Variants in BNC2 observed in about 807,000 individuals in gnomAD.
The protein encoded by BNC2 is basonuclin zinc finger protein 2, also known as zinc finger protein basonuclin-2.
A neutral mutation model predicts 76.3 loss-of-function variants in BNC2; 20 were observed. The ratio of observed to expected loss-of-function variants is 0.26; its 90% CI spans 0.18 to 0.38. The LOEUF (loss-of-function observed/expected upper bound fraction) is 0.38. Among genes scored for constraint, BNC2 ranks in the 10% least tolerant of loss-of-function variants. BNC2 has a pLI of 1.00. For synonymous variants in BNC2, 582 were observed against 514.8 expected, an observed-to-expected ratio of 1.13 and a Z score of -1.77; for missense variants, 1,382 against 1,399.8, an observed-to-expected ratio of 0.99 and a Z score of 0.20.
chr9:16,552,852 G>A, intron 4 of BNC2, 87 bp from the exon 5 acceptor site: 1 of 1,083,990 alleles, frequency 9.2e-7, no homozygotes, highest in East Asian at 2.4e-5. Flanking sequence ...ATTGCTGGAA[G>A]TTACCAGGGC....
intron 3 of BNC2, among the ~76,000 whole-genome samples, chr9:16,592,451 A>G (rs761949879): frequency 3.9e-5 from 6 of 152,174 alleles, no homozygotes; most frequent in Non-Finnish European, 7.4e-5. Context: ...ACCAAATATT[A>G]TTATTCCATT....
At chr9:16,562,867 AC>A (rs1352972385) in intron 4 of BNC2, among the ~76,000 whole-genome samples, 1 of 152,214 alleles carries the variant, frequency 6.6e-6, no homozygotes, top group African/African-American at 2.4e-5. Context: ...ATATTATAGT[AC>A]ATAATTACTA....
chr9:16,711,157 A>C (rs1823831143), intron 3 of BNC2, among the ~76,000 whole-genome samples: 2 of 152,310 alleles, frequency 1.3e-5, no homozygotes, highest in Non-Finnish European at 2.9e-5. Flanking sequence ...AAGGGGAAGA[A>C]AGAAAGAGAA....
chr9:16,824,922 C>T (rs1180065356), intron 1 of BNC2, among the ~76,000 whole-genome samples: 2 of 152,080 alleles, frequency 1.3e-5, no homozygotes, highest in African/African-American at 4.8e-5. Context: ...TACGAAGATA[C>T]GGTTTGACCA....
chr9:16,827,214 C>A (rs1197575331), intron 1 of BNC2, among the ~76,000 whole-genome samples: 2 of 152,126 alleles, frequency 1.3e-5, no homozygotes. Context: ...ACATATTTGC[C>A]CAAGTAATTG....
chr9:16,705,659 T>TC (rs1416532794), intron 3 of BNC2, among the ~76,000 whole-genome samples: 1 of 150,322 alleles, frequency 6.7e-6, no homozygotes, highest in Non-Finnish European at 1.5e-5. Context: ...GGCTTGGGTT[T>TC]TTTTTTCCCT....
At chr9:16,459,134 T>C (rs774343369) in intron 5 of BNC2, among the ~76,000 whole-genome samples, 2 of 152,142 alleles carry the variant, frequency 1.3e-5, no homozygotes, top group African/African-American at 2.4e-5. Flanking sequence ...AACACATCCA[T>C]ATACATGCAT....
intron 1 of BNC2, among the ~76,000 whole-genome samples, chr9:16,780,089 A>G (rs569949816): frequency 5.6e-4 from 83 of 148,654 alleles, no homozygotes; most frequent in African/African-American, 1.9e-3. Context: ...ACAAAAAATT[A>G]GCCGGGCGCG....
intron 1 of BNC2, among the ~76,000 whole-genome samples, chr9:16,761,400 A>G (rs1341086628): frequency 6.6e-6 from 1 of 152,242 alleles, no homozygotes. Context: ...TTATACCTAT[A>G]GCAAACATAC....
intron 1 of BNC2, among the ~76,000 whole-genome samples, chr9:16,837,447 A>G (rs1818733238): frequency 2.0e-5 from 3 of 152,130 alleles, no homozygotes; most frequent in Non-Finnish European, 4.4e-5. Context: ...GAGGTTGCAG[A>G]GAGCTGAGGT....
intron 1 of BNC2, among the ~76,000 whole-genome samples, chr9:16,785,670 T>G (rs1404929111): frequency 6.6e-6 from 1 of 151,180 alleles, no homozygotes; most frequent in African/African-American, 2.4e-5. Flanking sequence ...AGTGCTGGGA[T>G]GAGCCACCAC....
At chr9:16,647,974 G>A (rs1287885967) in intron 3 of BNC2, among the ~76,000 whole-genome samples, 4 of 151,990 alleles carry the variant, frequency 2.6e-5, no homozygotes, top group Non-Finnish European at 5.9e-5. Context: ...AAAATTAAGT[G>A]ACAGAAACTA....
chr9:16,509,832 T>C (rs773477890), intron 5 of BNC2, among the ~76,000 whole-genome samples: 5 of 152,204 alleles, frequency 3.3e-5, no homozygotes, highest in African/African-American at 4.8e-5. Context: ...AGAGGTTGTT[T>C]GTACATTTCT....
Position 16,461,073 on chromosome 9 carries a change from T to C in BNC2, c.670-23549A>G, listed in dbSNP as rs147730372. On this transcript the variant is annotated intron_variant, in intron 5 of 6. Coordinates refer to ENST00000380672, the MANE Select transcript of BNC2 (RefSeq NM_017637.6). ...TACATCAATATTCATTTTTAATTAC[T>C]AGAAAAACTATACTTTGATCAATTG... Among the ~76,000 whole-genome samples, 182 of 152,280 alleles carry C rather than the reference T, an allele frequency of 1.2e-3. 1 individual carries two copies. The highest frequency in any genetic ancestry group is 4.2e-3 in the African/African-American group (176 of 41,556).
intron 5 of BNC2, among the ~76,000 whole-genome samples, chr9:16,545,730 T>C (rs560355446): frequency 2.0e-5 from 3 of 152,182 alleles, no homozygotes; most frequent in Non-Finnish European, 4.4e-5. Flanking sequence ...AAATCAGTTC[T>C]GGTCAGTGAT....
intron 3 of BNC2, among the ~76,000 whole-genome samples, chr9:16,689,331 A>T (rs1047036973): frequency 1.3e-5 from 2 of 152,180 alleles, no homozygotes; most frequent in Non-Finnish European, 2.9e-5. Flanking sequence ...AAGTCACAGA[A>T]ATGATAACTT....
intron 5 of BNC2, among the ~76,000 whole-genome samples, chr9:16,493,553 C>A (rs1484641611): frequency 6.6e-6 from 1 of 152,168 alleles, no homozygotes; most frequent in Non-Finnish European, 1.5e-5. Flanking sequence ...ATGCTGGCCT[C>A]TGTCCCTCCT....
At position 16,585,671 on chromosome 9, in the gene BNC2, C is replaced by T. The variant is rs182755345; in HGVS notation, c.331-2586G>A. Among the ~76,000 whole-genome samples the T allele has an allele frequency of 2.0e-4, 31 of 152,154 alleles. No individual in the cohort carries two copies. In the East Asian group the frequency reaches 6.0e-3, roughly 29 times the overall value. The stretch of plus-strand genomic sequence containing the variant: ...CTATTTATTCACAACAAAATAGAAC[C>T]AACGTGATCACTGGCCAACTCACCC... On this transcript the variant is annotated intron_variant, in intron 3 of 6. Coordinates refer to ENST00000380672, the MANE Select transcript of BNC2 (RefSeq NM_017637.6).
chr9:16,802,674 G>A (rs1429660878), intron 1 of BNC2, among the ~76,000 whole-genome samples: 1 of 152,176 alleles, frequency 6.6e-6, no homozygotes, highest in African/African-American at 2.4e-5. Flanking sequence ...CAAGCCCATA[G>A]ACAAGGACCG....
Sources: allele counts gnomAD v4.1 joint callset (sites outside exome capture counted in the v4.1 genomes callset), GRCh38; gene constraint gnomAD v4.1.1; transcripts MANE v1.5; gene names NCBI Gene and HGNC (gene_info 2026-07-23, HGNC 2026-07-21).